STPG2: variants seen among roughly 807,000 people sequenced by gnomAD.
STPG2 encodes the protein sperm-tail PG-rich repeat-containing protein 2.
Under a neutral mutation model 54.2 loss-of-function variants are expected in STPG2, and 56 were observed. The observed-to-expected ratio is 1.03, with a 90% CI of 0.83 to 1.29. The LOEUF (loss-of-function observed/expected upper bound fraction) is 1.29. STPG2 is among the 50% of genes most tolerant of loss of function. The pLI is 0.00. For synonymous variants in STPG2, 200 were observed against 181.8 expected (o/e 1.10, Z -0.81); for missense variants, 596 against 544.9 (o/e 1.09, Z -0.93).
intron 5 of STPG2, among the ~76,000 whole-genome samples, chr4:98,081,325 G>C (rs1369566773): frequency 6.6e-6 from 1 of 152,096 alleles, no homozygotes; most frequent in Admixed American, 6.5e-5. Context: ...CTCCTTCAAA[G>C]TCAGAAGATA....
intron 4 of STPG2, among the ~76,000 whole-genome samples, chr4:97,551,604 C>G (rs1731967609): frequency 6.6e-6 from 1 of 152,106 alleles, no homozygotes; most frequent in Admixed American, 6.6e-5. Context: ...TGAATTAGAA[C>G]AAAAGAAATT....
At chr4:97,819,337 T>C (rs1728013391) in intron 9 of STPG2, among the ~76,000 whole-genome samples, 1 of 152,124 alleles carries the variant, frequency 6.6e-6, no homozygotes. Context: ...AATTAATTTT[T>C]ACACAACAGT....
chr4:97,889,544 T>C (rs1486816052), intron 8 of STPG2, among the ~76,000 whole-genome samples: 1 of 152,166 alleles, frequency 6.6e-6, no homozygotes, highest in Non-Finnish European at 1.5e-5. Context: ...GACATTATGT[T>C]ACACAAAATA....
intron 9 of STPG2, among the ~76,000 whole-genome samples, chr4:97,726,951 T>G (rs1165656837): frequency 6.6e-6 from 1 of 151,944 alleles, no homozygotes; most frequent in African/African-American, 2.4e-5. Context: ...ATGAAATTAT[T>G]GTTAAGCATT....
intron 4 of STPG2, among the ~76,000 whole-genome samples, chr4:97,539,056 A>C (rs1345898026): frequency 6.6e-6 from 1 of 152,202 alleles, no homozygotes; most frequent in Non-Finnish European, 1.5e-5. Flanking sequence ...TAAACATGGA[A>C]AGGAAAAACT....
intron 5 of STPG2, among the ~76,000 whole-genome samples, chr4:98,044,789 G>A (rs1408859792): frequency 1.3e-5 from 2 of 152,148 alleles, no homozygotes; most frequent in Non-Finnish European, 2.9e-5. Context: ...GAGCATGAAA[G>A]GTAGCAGAAG....
intron 8 of STPG2, among the ~76,000 whole-genome samples, chr4:97,887,000 G>A (rs140782319): frequency 1.7e-3 from 258 of 152,254 alleles, no homozygotes; most frequent in African/African-American, 6.0e-3. Flanking sequence ...CACCAGGATC[G>A]TAAGTTTCCT....
intron 4 of STPG2, among the ~76,000 whole-genome samples, chr4:97,491,340 C>G (rs577803856): frequency 6.3e-4 from 95 of 151,612 alleles, no homozygotes; most frequent in Non-Finnish European, 1.2e-3. Flanking sequence ...ACCTCACCCC[C>G]ACAACAGCAT....
chr4:97,653,809 GC>G (rs1427302189), intron 10 of STPG2, among the ~76,000 whole-genome samples: 3 of 152,248 alleles, frequency 2.0e-5, no homozygotes, highest in East Asian at 3.9e-4. Context: ...TGTGGGAGGT[GC>G]TGTAAGCAAT....
At chr4:97,877,742 C>T (rs1049466996) in intron 8 of STPG2, among the ~76,000 whole-genome samples, 3 of 152,098 alleles carry the variant, frequency 2.0e-5, no homozygotes, top group Non-Finnish European at 4.4e-5. Flanking sequence ...CAAACTATAT[C>T]ATTCCACCCC....
chr4:97,670,731 C>A (rs1265261476), intron 10 of STPG2, among the ~76,000 whole-genome samples: 2 of 152,192 alleles, frequency 1.3e-5, no homozygotes, highest in African/African-American at 4.8e-5. Flanking sequence ...GTGTGATTTT[C>A]TGTCATTACC....
At chr4:97,868,964 G>C (rs935126030) in intron 8 of STPG2, among the ~76,000 whole-genome samples, 9 of 151,930 alleles carry the variant, frequency 5.9e-5, no homozygotes, top group Non-Finnish European at 1.3e-4. Flanking sequence ...CATTATGCCA[G>C]AACCAGAAGT....
chr4:97,799,481 T>G (rs1423117027), intron 9 of STPG2, among the ~76,000 whole-genome samples: 2 of 152,222 alleles, frequency 1.3e-5, no homozygotes, highest in Non-Finnish European at 2.9e-5. Flanking sequence ...GGTTGAAAAT[T>G]CTTTTCTTAA....
chr4:97,715,218 C>T (rs1364000560), intron 9 of STPG2, among the ~76,000 whole-genome samples: 5 of 152,120 alleles, frequency 3.3e-5, no homozygotes, highest in African/African-American at 1.2e-4. Flanking sequence ...ACTTACATTG[C>T]TTCATCAGCT....
At chr4:98,073,561 A>G (rs1240521525) in intron 5 of STPG2, among the ~76,000 whole-genome samples, 2 of 152,128 alleles carry the variant, frequency 1.3e-5, no homozygotes, top group Non-Finnish European at 2.9e-5. Flanking sequence ...CTTCATCTCT[A>G]CTAAAAATAC....
intron 4 of STPG2, among the ~76,000 whole-genome samples, chr4:97,486,795 A>G (rs1259286998): frequency 6.7e-6 from 1 of 148,848 alleles, no homozygotes; most frequent in Non-Finnish European, 1.5e-5. Context: ...GAGTGGATAA[A>G]GAAACTGTGG....
At chr4:97,844,601 C>T (rs1441750687) in intron 8 of STPG2, among the ~76,000 whole-genome samples, 3 of 151,848 alleles carry the variant, frequency 2.0e-5, no homozygotes, top group Non-Finnish European at 2.9e-5. Flanking sequence ...AAGATGTCAC[C>T]TTTGTTCTCT....
intron 4 of STPG2, among the ~76,000 whole-genome samples, chr4:97,451,669 G>A (rs1729368824): frequency 6.6e-6 from 1 of 152,034 alleles, no homozygotes; most frequent in Non-Finnish European, 1.5e-5. Context: ...TTAGTGAAAA[G>A]GAGTGATCTA....
intron 5 of STPG2, among the ~76,000 whole-genome samples, chr4:98,079,673 C>A (rs1322587060): frequency 1.3e-5 from 2 of 152,014 alleles, no homozygotes; most frequent in Non-Finnish European, 2.9e-5. Flanking sequence ...TTCTCCAAAA[C>A]TTCTCCACTG....
Sources: allele counts gnomAD v4.1 joint callset (sites outside exome capture counted in the v4.1 genomes callset), GRCh38; gene constraint gnomAD v4.1.1; transcripts MANE v1.5; gene names NCBI Gene and HGNC (gene_info 2026-07-23, HGNC 2026-07-21).